GNS: variants seen among roughly 807,000 people sequenced by gnomAD.
GNS encodes N-acetylglucosamine-6-sulfatase.
In GNS, 40 loss-of-function variants were observed where a neutral mutation model predicts 69.7. The ratio of observed to expected loss-of-function variants is 0.57; its 90% CI spans 0.45 to 0.75. GNS has a LOEUF of 0.75. GNS is among the 30% of genes least tolerant of loss of function. The probability of loss-of-function intolerance (pLI) is 0.00; values close to 1 mark genes in which losing one functional copy is unlikely to be tolerated. For synonymous variants in GNS, 243 were observed against 251.6 expected, an observed-to-expected ratio of 0.97 and a Z score of 0.32; for missense variants, 565 against 685.5, an observed-to-expected ratio of 0.82 and a Z score of 1.96.
At chr12:64,735,444 T>C (rs1450727568) in intron 9 of GNS, among the ~76,000 whole-genome samples, 1 of 152,246 alleles carries the variant, frequency 6.6e-6, no homozygotes, top group Non-Finnish European at 1.5e-5. Context: ...TGTCCCATAC[T>C]AAACACTCAA....
chr12:64,717,714 G>C (rs772001339), intron 13 of GNS, among the ~76,000 whole-genome samples: 6 of 152,088 alleles, frequency 3.9e-5, no homozygotes, highest in Non-Finnish European at 7.4e-5. Context: ...ACGAATTCTA[G>C]TTTTGCTGCC....
chr12:64,756,837 C>G, intron 1 of GNS: 1 of 732,222 alleles, frequency 1.4e-6, no homozygotes, highest in Non-Finnish European at 2.3e-6. Context: ...TTTGGTACCT[C>G]TCTCCAGTAG....
intron 6 of GNS, among the ~76,000 whole-genome samples, chr12:64,742,871 G>C (rs186128474): frequency 1.2e-4 from 18 of 152,298 alleles, no homozygotes; most frequent in Middle Eastern, 6.8e-3. Context: ...AGGTTACCAG[G>C]AGAGCCTGAG....
intron 1 of GNS, among the ~76,000 whole-genome samples, chr12:64,757,335 G>T (rs962245519): frequency 4.6e-5 from 7 of 152,140 alleles, no homozygotes; most frequent in African/African-American, 1.4e-4. Context: ...ACCTAAAAAA[G>T]CCTGACCTTT....
chr12:64,757,272 T>G (rs1452756359), intron 1 of GNS, among the ~76,000 whole-genome samples: 1 of 152,190 alleles, frequency 6.6e-6, no homozygotes, highest in African/African-American at 2.4e-5. Flanking sequence ...TTATAAGAAT[T>G]GAAGAAACAA....
intron 10 of GNS, among the ~76,000 whole-genome samples, chr12:64,725,837 G>A (rs1592494314): frequency 6.6e-6 from 1 of 151,320 alleles, no homozygotes; most frequent in Non-Finnish European, 1.5e-5. Context: ...TCTACTAAAA[G>A]TACAAAAAAT....
chr12:64,749,712 T>C (rs1870016510), intron 2 of GNS, among the ~76,000 whole-genome samples: 2 of 152,228 alleles, frequency 1.3e-5, no homozygotes, highest in African/African-American at 2.4e-5. Context: ...AATTCAGTCA[T>C]GTTACAAATA....
rs752697453 is a variant in GNS, at chr12:64,721,643, T to C, written c.1371A>G (p.Thr457=). The change falls in exon 12 of 14, where the codon ACA becomes ACG. Residue 457 remains threonine (T), a synonymous_variant. Coordinates refer to ENST00000258145, the MANE Select transcript of GNS (RefSeq NM_002076.4). Reference sequence around the variant, plus strand: ...ACTGCAAATTCCACAATGCTGACATTGTCCTCACACAGGCATAGGTATTGT... The same window carrying C: ...ACTGCAAATTCCACAATGCTGACATCGTCCTCACACAGGCATAGGTATTGT... ...AYNNTYACVR[T]MSALWNLQYC... is the part of the protein sequence containing the mutation. The C allele has an allele frequency of 6.2e-7, 1 of 1,602,008 alleles. No individual in the cohort carries two copies. Among genetic ancestry groups the C allele is most frequent in the South Asian group, 1.1e-5 (1 of 90,834 alleles).
intron 2 of GNS, among the ~76,000 whole-genome samples, chr12:64,750,783 G>A (rs1387633398): frequency 6.6e-6 from 1 of 152,054 alleles, no homozygotes; most frequent in Non-Finnish European, 1.5e-5. Context: ...ATGCATGCCT[G>A]TAGTCCGAGT....
Position 64,721,688 on chromosome 12 carries a change from A to G in GNS, c.1326T>C (p.Cys442=). ...TATTGTTATAAGCATCTTCACATACACAGTCTGGGAAGCATTGCTGTAGGG... is the reference window on the plus strand; with the variant it reads ...TATTGTTATAAGCATCTTCACATACGCAGTCTGGGAAGCATTGCTGTAGGG... ...SPGVSQCFPD[C]VCEDAYNNTY... is the part of the protein sequence containing the mutation. The change falls in exon 12 of 14, where the codon TGT becomes TGC. Residue 442 remains cysteine (C), a synonymous_variant. Transcript: ENST00000258145. The G allele has an allele frequency of 2.0e-6, 3 of 1,532,796 alleles. No individual in the cohort carries two copies. The highest frequency in any genetic ancestry group is 2.7e-6 in the Non-Finnish European group (3 of 1,105,526). 94.9% of individuals were successfully genotyped at this position (1,532,796 alleles called of 1,614,324 possible). A position where few individuals can be genotyped will look rare whatever the true frequency, so the allele number is the denominator to read the frequency against.
chr12:64,719,681 A>G (rs1284471424), intron 13 of GNS, among the ~76,000 whole-genome samples: 1 of 152,212 alleles, frequency 6.6e-6, no homozygotes, highest in African/African-American at 2.4e-5. Context: ...GAACAGGTGA[A>G]CAGGGCAGCA....
At chr12:64,738,091 C>T (rs538239963) in intron 8 of GNS, among the ~76,000 whole-genome samples, 39 of 151,912 alleles carry the variant, frequency 2.6e-4, no homozygotes, top group African/African-American at 9.2e-4. Flanking sequence ...CTTACTGCAA[C>T]CTCTGCCTCC....
Position 64,716,750 on chromosome 12 carries a change from A to G in GNS, c.1650T>C (p.His550=), listed in dbSNP as rs2230292. The G allele has an allele frequency of 6.3e-3, 10,167 of 1,606,404 alleles. 608 individuals are homozygous for G. The African/African-American group carries it at 0.12, about 19-fold the overall frequency. ...AGGCTGTGTGAGGTCGCTACAGAAGATGTTTGGAAAATCTTCGAGTCCTGA... is the reference window on the plus strand; with the variant it reads ...AGGCTGTGTGAGGTCGCTACAGAAGGTGTTTGGAAAATCTTCGAGTCCTGA... The part of the protein sequence containing the change: ...GSVRTRRFSK[H]LL The change falls in exon 14 of 14, where the codon CAT becomes CAC. Residue 550 remains histidine (H), a synonymous_variant. Coordinates refer to ENST00000258145, the MANE Select transcript of GNS (RefSeq NM_002076.4).
chr12:64,721,887 T>C (rs1869040370), intron 11 of GNS, among the ~76,000 whole-genome samples, 182 bp from the exon 12 acceptor site: 1 of 152,234 alleles, frequency 6.6e-6, no homozygotes, highest in African/African-American at 2.4e-5. Context: ...TTTGGCTAAC[T>C]TGATCAAGGT....
At chr12:64,727,259 A>G (rs1457058291) in intron 10 of GNS, among the ~76,000 whole-genome samples, 1 of 128,712 alleles carries the variant, frequency 7.8e-6, no homozygotes, top group Admixed American at 8.4e-5. Flanking sequence ...GGGAGACCTC[A>G]TTTCTACTAT....
rs1301482968 is a variant in GNS, at chr12:64,721,622, C to A, written c.1392G>T (p.Leu464Phe). ...CVRTMSALWN[L>F]QYCEFDDQEV... Reference sequence around the variant, plus strand: ...CCTGGTCATCAAACTCGCAATACTGCAAATTCCACAATGCTGACATTGTCC... The same window carrying A: ...CCTGGTCATCAAACTCGCAATACTGAAAATTCCACAATGCTGACATTGTCC... Residue 464 changes from leucine (L) to phenylalanine (F), a missense_variant, in exon 12 of 14, where the codon TTG (leucine) becomes TTT (phenylalanine). Leu to Phe is a conservative substitution (Grantham distance 22). Around this residue, in one of 2 missense-constraint regions of GNS, gnomAD observed 384 missense variants for 511.0 expected, o/e 0.75. Transcript: ENST00000258145. The A allele has an allele frequency of 6.3e-7, 1 of 1,581,206 alleles. No individual in the cohort carries two copies. The highest frequency in any genetic ancestry group is 2.2e-5 in the East Asian group (1 of 44,726).
At chr12:64,747,561 C>A in intron 3 of GNS, 151 bp downstream of exon 3, 1 of 629,340 alleles carries the variant, frequency 1.6e-6, no homozygotes, top group Non-Finnish European at 2.8e-6. Flanking sequence ...AACATATTTA[C>A]ATGATATGGG....
intron 10 of GNS, among the ~76,000 whole-genome samples, chr12:64,726,445 T>C (rs931410554): frequency 5.9e-5 from 9 of 152,124 alleles, no homozygotes; most frequent in African/African-American, 2.2e-4. Flanking sequence ...GGAGAAAATA[T>C]AGGAGAATAG....
chr12:64,731,697 T>G (rs763290939), intron 9 of GNS, among the ~76,000 whole-genome samples: 1 of 152,258 alleles, frequency 6.6e-6, no homozygotes, highest in Non-Finnish European at 1.5e-5. Context: ...ACCAAGAATT[T>G]GGATGGATTC....
Sources: allele counts gnomAD v4.1 joint callset (sites outside exome capture counted in the v4.1 genomes callset), GRCh38; gene constraint gnomAD v4.1.1; regional missense constraint gnomAD v4.1.1; transcripts MANE v1.5; gene names NCBI Gene and HGNC (gene_info 2026-07-23, HGNC 2026-07-21).